The following MCL1 variants were observed in gnomAD, a reference collection of about 807,000 sequenced individuals.
MCL1 encodes the protein induced myeloid leukemia cell differentiation protein Mcl-1.
MCL1 carries 4 observed loss-of-function variants against 24.2 expected under a neutral mutation model. The ratio of observed to expected loss-of-function variants is 0.17; its 90% CI spans 0.08 to 0.38. The LOEUF (loss-of-function observed/expected upper bound fraction) is 0.38. MCL1 is among the 10% of genes least tolerant of loss of function. MCL1 has a pLI of 1.00. For synonymous variants in MCL1, 248 were observed against 214.0 expected (o/e 1.16, Z -1.39); for missense variants, 529 against 480.3 (o/e 1.10, Z -0.95).
chr1:150,578,543 G>GC (rs1647915595), intron 1 of MCL1, 52 bp from the exon 2 acceptor site: 1 of 1,598,482 alleles, frequency 6.3e-7, no homozygotes, highest in Admixed American at 1.7e-5. Flanking sequence ...CTAAACCGGC[G>GC]CAAGATTCGC....
At position 150,577,309 on chromosome 1, in the gene MCL1, C is replaced by A. The variant is rs1042976493; in HGVS notation, c.*66G>T. The A allele has an allele frequency of 6.3e-7, 1 of 1,579,662 alleles. No homozygotes were observed. Among genetic ancestry groups the A allele is most frequent in the Admixed American group, 1.8e-5 (1 of 54,080 alleles). On this transcript the variant is annotated 3_prime_UTR_variant, in exon 3 of 3. Transcript: ENST00000369026. ...TAGGAAGTTACAGCTTGGAGTCCAA[C>A]TGCATAAACTGGTTTTGGTGGTGGT...
intron 2 of MCL1, among the ~76,000 whole-genome samples, chr1:150,577,769 G>GA (rs1647875733): frequency 6.6e-6 from 1 of 152,122 alleles, no homozygotes; most frequent in Non-Finnish European, 1.5e-5. Context: ...GGTAAAAGAC[G>GA]AAAACCCTTA....
At position 150,577,630 on chromosome 1, in the gene MCL1, G is replaced by A. The variant is rs1308454877; in HGVS notation, c.937-139C>T. On this transcript the variant is annotated intron_variant, in intron 2 of 2. Coordinates refer to ENST00000369026, the MANE Select transcript of MCL1 (RefSeq NM_021960.5). ...AGTAAACCAATTATTATTCACCCCG[G>A]GGCAAAAAAAGAAAATAAGTTCTTC... 5 of 915,504 alleles carry A rather than the reference G, an allele frequency of 5.5e-6. No individual in the cohort carries two copies. The South Asian group carries it at 6.3e-5, about 12-fold the overall frequency. The allele number at this position is 915,504 out of a possible 1,614,324, so 56.7% of individuals were successfully genotyped here. A position where few individuals can be genotyped will look rare whatever the true frequency, so the allele number is the denominator to read the frequency against.
chr1:150,579,589 G>C lies in MCL1; in HGVS notation c.-59C>G, dbSNP rs1647999767. 6.6e-7 allele frequency: 1 copy of C among 1,510,686 alleles called. No individual in the cohort carries two copies. Among genetic ancestry groups the C allele is most frequent in the Non-Finnish European group, 9.0e-7 (1 of 1,116,472 alleles). The allele number at this position is 1,510,686 out of a possible 1,614,324, so 93.6% of individuals were successfully genotyped here. A position where few individuals can be genotyped will look rare whatever the true frequency, so the allele number is the denominator to read the frequency against. On this transcript the variant is annotated 5_prime_UTR_variant, in exon 1 of 3. Transcript: ENST00000369026. The stretch of plus-strand genomic sequence containing the variant: ...TGGGGAAGACCCCGACTCCTTACTG[G>C]AAGGAAGCGGAAGTGAGAAGTGGCG...
rs1386986517 is a variant in MCL1 at position 150,579,190 on chromosome 1, G to A, written c.341C>T (p.Pro114Leu). The A allele has an allele frequency of 3.7e-6, 6 of 1,603,382 alleles. No individual in the cohort carries two copies. The highest frequency in any genetic ancestry group is 1.7e-5 in the Admixed American group (1 of 59,420). Residue 114 changes from proline to leucine, a missense_variant, in exon 1 of 3, where the codon CCG becomes CTG. Coordinates refer to ENST00000369026, the MANE Select transcript of MCL1 (RefSeq NM_021960.5). ...GGGCGACATGATGGCGTCAGCGGCC[G>A]GGGCTTCCATCTCCTCAAGCGGCGC... is the stretch of plus-strand genomic sequence containing the variant. ...RAAPLEEMEA[P>L]AADAIMSPEE...
rs878471 is a variant in MCL1, at chr1:150,575,271, G to A, written c.*2104C>T. ...GGCTCTGAGATGGGCAGGCAGGGCAGTTCTTCCCCATTACATTCTTAGTCA... is the reference window on the plus strand; with the variant it reads ...GGCTCTGAGATGGGCAGGCAGGGCAATTCTTCCCCATTACATTCTTAGTCA... On this transcript the variant is annotated 3_prime_UTR_variant, in exon 3 of 3. Transcript: ENST00000369026. The A allele has an allele frequency of 0.49, 113,124 of 232,890 alleles. 29,025 individuals carry two copies. The highest frequency in any genetic ancestry group is 0.57 in the Non-Finnish European group (66,865 of 117,708). The allele number at this position is 232,890 out of a possible 1,614,324, so 14.4% of individuals were successfully genotyped here. A position where few individuals can be genotyped will look rare whatever the true frequency, so the allele number is the denominator to read the frequency against.
Position 150,578,929 on chromosome 1 carries a change from C to G in MCL1, c.602G>C (p.Arg201Thr). Residue 201 changes from arginine to threonine, a missense_variant, in exon 1 of 3, where the codon AGG becomes ACG. By Grantham distance (71) the Arg-to-Thr change is moderately conservative. Coordinates refer to ENST00000369026, the MANE Select transcript of MCL1 (RefSeq NM_021960.5). ...CGCCTTCCTGCTGGTGGCCCCAGAC[C>G]TGCCCATTGGCTTTGTGTCCTTGGC... ...TGAKDTKPMGRSGATSRKALE... is the reference protein window; with the variant it reads ...TGAKDTKPMGTSGATSRKALE... 1 of 1,613,810 alleles carries G rather than the reference C, an allele frequency of 6.2e-7. No individual in the cohort carries two copies. Among genetic ancestry groups the G allele is most frequent in the Non-Finnish European group, 8.5e-7 (1 of 1,180,036 alleles).
chr1:150,578,815 G>A (rs1647932774), intron 1 of MCL1, 28 bp downstream of exon 1: 2 of 1,591,296 alleles, frequency 1.3e-6, no homozygotes, highest in Non-Finnish European at 1.7e-6. Flanking sequence ...AAGGGAGTGA[G>A]GCCTTGGCGA....
rs1380518711 is a variant in MCL1 at position 150,577,108 on chromosome 1, A to G, written c.*267T>C. On this transcript the variant is annotated 3_prime_UTR_variant, in exon 3 of 3. Transcript: ENST00000369026. ...CCACCCTACCATCTTCACTAAATCT[A>G]AAAGTCCTCCTCCATAGCTTCCCAA... is the stretch of plus-strand genomic sequence containing the variant. 1 of 368,152 alleles carries G rather than the reference A, an allele frequency of 2.7e-6. No homozygotes were observed. The highest frequency in any genetic ancestry group is 5.0e-6 in the Non-Finnish European group (1 of 199,268). 22.8% of individuals were successfully genotyped at this position (368,152 alleles called of 1,614,324 possible).
Position 150,577,378 on chromosome 1 carries a change from T to A in MCL1, c.1050A>T (p.Arg350Ser), listed in dbSNP as rs1432663701. 1.2e-6 allele frequency: 2 copies of A among 1,613,248 alleles called. No homozygotes were observed. Among genetic ancestry groups the A allele is most frequent in the Admixed American group, 3.3e-5 (2 of 59,804 alleles). Residue 350 changes from arginine to serine, a missense_variant, in exon 3 of 3, where the codon AGA becomes AGT. Transcript: ENST00000369026. ...GVGAGLAYLI[R>S] is the part of the protein sequence containing the mutation. The stretch of plus-strand genomic sequence containing the variant: ...AACTATTGCACTTACAGTAAGGCTA[T>A]CTTATTAGATATGCCAAACCAGCTC...
In MCL1 at chr1:150,579,570, A is replaced by G. The variant is rs587598056; in HGVS notation, c.-40T>C. The G allele has an allele frequency of 6.4e-7, 1 of 1,563,686 alleles. No homozygotes were observed. The highest frequency in any genetic ancestry group is 1.4e-5 in the African/African-American group (1 of 71,636). On this transcript the variant is annotated 5_prime_UTR_variant, in exon 1 of 3. Transcript: ENST00000369026. ...GCCGCCTGGCTGAGAAAACTGGGGA[A>G]GACCCCGACTCCTTACTGGAAGGAA...
At position 150,575,503 on chromosome 1, in the gene MCL1, TA is replaced by T. The variant is rs1480300013; in HGVS notation, c.*1871del. 1 of 232,854 alleles carries T rather than the reference TA, an allele frequency of 4.3e-6. No homozygotes were observed. The highest frequency in any genetic ancestry group is 2.2e-5 in the African/African-American group (1 of 45,308). 14.4% of individuals were successfully genotyped at this position (232,854 alleles called of 1,614,324 possible). A position where few individuals can be genotyped will look rare whatever the true frequency, so the allele number is the denominator to read the frequency against. The stretch of plus-strand genomic sequence containing the variant: ...AAAGGAAACTTTAGAGAAAGCCTCA[TA>T]AAATGTTCTTTCCTCTGAAAATTCC... On this transcript the variant is annotated 3_prime_UTR_variant, in exon 3 of 3. Transcript: ENST00000369026.
rs761136566 is a variant in MCL1, at chr1:150,577,346, A to G, written c.*29T>C. The G allele has an allele frequency of 4.4e-6, 7 of 1,607,040 alleles. No individual in the cohort carries two copies. In the East Asian group the frequency reaches 1.3e-4, roughly 31 times the overall value. The stretch of plus-strand genomic sequence containing the variant: ...GTTTTGGTGGTGGTGGTGGTTGGTT[A>G]AAAGTCAACTATTGCACTTACAGTA... On this transcript the variant is annotated 3_prime_UTR_variant, in exon 3 of 3. Coordinates refer to ENST00000369026, the MANE Select transcript of MCL1 (RefSeq NM_021960.5).
Position 150,574,639 on chromosome 1 carries a change from T to C in MCL1, c.*2736A>G, listed in dbSNP as rs1284067734. On this transcript the variant is annotated 3_prime_UTR_variant, in exon 3 of 3. Coordinates refer to ENST00000369026, the MANE Select transcript of MCL1 (RefSeq NM_021960.5). ...ACTACATTTGACAACCAACATTAAT[T>C]TGTAGTTGGTCCTAACCCTTCCTGG... 8.6e-6 allele frequency: 2 copies of C among 232,888 alleles called. No individual in the cohort carries two copies. The highest frequency in any genetic ancestry group is 1.1e-4 in the Admixed American group (2 of 17,750). 14.4% of individuals were successfully genotyped at this position (232,888 alleles called of 1,614,324 possible). A position where few individuals can be genotyped will look rare whatever the true frequency, so the allele number is the denominator to read the frequency against.
chr1:150,578,364 G>C lies in MCL1; in HGVS notation c.816C>G (p.Ala272=). 1 of 1,614,190 alleles carries C rather than the reference G, an allele frequency of 6.2e-7. No homozygotes were observed. Among genetic ancestry groups the C allele is most frequent in the South Asian group, 1.1e-5 (1 of 91,090 alleles). Residue 272 remains alanine (A), a synonymous_variant, in exon 2 of 3, where the codon GCC becomes GCG. Coordinates refer to ENST00000369026, the MANE Select transcript of MCL1 (RefSeq NM_021960.5). ...GRIVTLISFG[A]FVAKHLKTIN... ...TGGTCTTCAAGTGTTTAGCCACAAA[G>C]GCACCAAAAGAAATGAGAGTCACAA...
rs925315836 is a variant in MCL1 at position 150,578,904 on chromosome 1, C to G, written c.627G>C (p.Ala209=). Residue 209 remains alanine, a synonymous_variant, in exon 1 of 3, where the codon GCG becomes GCC. Coordinates refer to ENST00000369026, the MANE Select transcript of MCL1 (RefSeq NM_021960.5). ...CCCCAACCCGTCGTAAGGTCTCCAGCGCCTTCCTGCTGGTGGCCCCAGACC... is the reference window on the plus strand; with the variant it reads ...CCCCAACCCGTCGTAAGGTCTCCAGGGCCTTCCTGCTGGTGGCCCCAGACC... ...MGRSGATSRK[A]LETLRRVGDG... 13 of 1,613,846 alleles carry G rather than the reference C, an allele frequency of 8.1e-6. No individual in the cohort carries two copies. The highest frequency in any genetic ancestry group is 1.1e-5 in the South Asian group (1 of 91,082).
In MCL1 at chr1:150,574,665, C is replaced by T; in HGVS notation, c.*2710G>A. 1 of 233,138 alleles carries T rather than the reference C, an allele frequency of 4.3e-6. No individual in the cohort carries two copies. Among genetic ancestry groups the T allele is most frequent in the Non-Finnish European group, 8.5e-6 (1 of 117,776 alleles). The allele number at this position is 233,138 out of a possible 1,614,324, so 14.4% of individuals were successfully genotyped here. ...TGTAGTTGGTCCTAACCCTTCCTGGCACAGCTATCAAAAGTACAGCTGTTT... is the reference window on the plus strand; with the variant it reads ...TGTAGTTGGTCCTAACCCTTCCTGGTACAGCTATCAAAAGTACAGCTGTTT... On this transcript the variant is annotated 3_prime_UTR_variant, in exon 3 of 3. Coordinates refer to ENST00000369026, the MANE Select transcript of MCL1 (RefSeq NM_021960.5).
rs1647736819 is a variant in MCL1, at chr1:150,575,130, T to C, written c.*2245A>G. 4.3e-6 allele frequency: 1 copy of C among 233,354 alleles called. No homozygotes were observed. Among genetic ancestry groups the C allele is most frequent in the Admixed American group, 5.6e-5 (1 of 17,798 alleles). The allele number at this position is 233,354 out of a possible 1,614,324, so 14.5% of individuals were successfully genotyped here. On this transcript the variant is annotated 3_prime_UTR_variant, in exon 3 of 3. Coordinates refer to ENST00000369026, the MANE Select transcript of MCL1 (RefSeq NM_021960.5). ...TACCGTAACCAGATCTTAAGATTAA[T>C]TAAAAACTACATAAAGTGCTTTTAG...
Position 150,577,500 on chromosome 1 carries a change from CAAAA to C in MCL1, c.937-13_937-10del, listed in dbSNP as rs778215108. Reference sequence around the variant, plus strand: ...AACTCCACAAACCCATCCTAGAAAACAAAAAAGAAAAGCACATTTTCAAGTATGG... The same window carrying C: ...AACTCCACAAACCCATCCTAGAAAACAAGAAAAGCACATTTTCAAGTATGG... On this transcript the variant is annotated splice_polypyrimidine_tract_variant and intron_variant, in intron 2 of 2. Transcript: ENST00000369026. 1 of 1,592,738 alleles carries C rather than the reference CAAAA, an allele frequency of 6.3e-7. No individual in the cohort carries two copies. The highest frequency in any genetic ancestry group is 1.1e-5 in the South Asian group (1 of 87,888).
Sources: allele counts gnomAD v4.1 joint callset (sites outside exome capture counted in the v4.1 genomes callset), GRCh38; gene constraint gnomAD v4.1.1; transcripts MANE v1.5; gene names NCBI Gene and HGNC (gene_info 2026-07-23, HGNC 2026-07-21).